The following PRDM13 variants were observed in gnomAD, a reference collection of about 807,000 sequenced individuals.
PRDM13 encodes PR/SET domain 13.
In PRDM13, 15 loss-of-function variants were observed where a neutral mutation model predicts 36.4. The ratio of observed to expected loss-of-function variants is 0.41; its 90% CI spans 0.28 to 0.64. The LOEUF (loss-of-function observed/expected upper bound fraction) is 0.64. Among genes scored for constraint, PRDM13 ranks in the 30% least tolerant of loss-of-function variants. The probability of loss-of-function intolerance (pLI) is 0.29; values close to 1 mark genes in which losing one functional copy is unlikely to be tolerated. For missense variants in PRDM13, 1,044 were observed against 1,013.5 expected, an observed-to-expected ratio of 1.03 and a Z score of -0.41; for synonymous variants, 531 against 467.7, an observed-to-expected ratio of 1.14 and a Z score of -1.75.
chr6:99,613,765 C>CGCT lies in PRDM13; in HGVS notation c.1132_1133insTGC (p.Pro377_Pro378insLeu). On this transcript the variant is annotated inframe_insertion, in exon 4 of 4. Transcript: ENST00000369215. The surrounding 1 kb of genome is among the most constrained non-coding windows in gnomAD (Gnocchi z 6.1). ...GCTGGGGACCCGCCGCCGCCGCCGC[C>CGCT]GCCTGGCCTGCCCTGCTCTGGGGCC... 6.7e-7 allele frequency: 1 copy of CGCT among 1,496,420 alleles called. No homozygotes were observed. Among genetic ancestry groups the CGCT allele is most frequent in the Non-Finnish European group, 8.8e-7 (1 of 1,130,120 alleles). The allele number at this position is 1,496,420 out of a possible 1,614,324, so 92.7% of individuals were successfully genotyped here.
Position 99,614,204 on chromosome 6 carries a change from C to A in PRDM13, c.1569C>A (p.Ala523=). ...GSLASIDREI[A]MHNQQLSEMA... is the part of the protein sequence containing the mutation. Reference sequence around the variant, plus strand: ...TGGCCAGCATCGACCGAGAGATCGCCATGCACAATCAGCAGCTGTCCGAGA... The same window carrying A: ...TGGCCAGCATCGACCGAGAGATCGCAATGCACAATCAGCAGCTGTCCGAGA... Residue 523 remains alanine (A), a synonymous_variant, in exon 4 of 4, where the codon GCC becomes GCA. Coordinates refer to ENST00000369215, the MANE Select transcript of PRDM13 (RefSeq NM_021620.4). 6.2e-7 allele frequency: 1 copy of A among 1,607,878 alleles called. No homozygotes were observed. The highest frequency in any genetic ancestry group is 1.3e-5 in the African/African-American group (1 of 75,002).
intron 3 of PRDM13, among the ~76,000 whole-genome samples, chr6:99,611,604 T>G (rs1161763184): frequency 6.6e-6 from 1 of 152,170 alleles, no homozygotes; most frequent in Non-Finnish European, 1.5e-5. Flanking sequence ...GCTTATCACT[T>G]GAGTTTTCAC....
chr6:99,614,138 G>C lies in PRDM13; in HGVS notation c.1503G>C (p.Gly501=), dbSNP rs1330480988. 1.3e-6 allele frequency: 2 copies of C among 1,598,696 alleles called. No individual in the cohort carries two copies. The highest frequency in any genetic ancestry group is 1.7e-6 in the Non-Finnish European group (2 of 1,174,726). Residue 501 remains glycine (G), a synonymous_variant, in exon 4 of 4, where the codon GGG becomes GGC. Transcript: ENST00000369215. ...CGGAGTCCATCTCCTACTTCAGCGG[G>C]CCTGCAGCGGCCGCCCTAAGCCCCG... The part of the protein sequence containing the change: ...KYPESISYFS[G]PAAAALSPAE...
In PRDM13 at chr6:99,613,659, G is replaced by C. The variant is rs575217517; in HGVS notation, c.1024G>C (p.Gly342Arg). ...GGRACGRPGS[G>R]ENSAAGGAGH... ...CCGGGCGTGCGGGCGCCCCGGGAGC[G>C]GGGAGAACTCGGCGGCGGGCGGCGC... The change falls in exon 4 of 4, where the codon GGG becomes CGG. Residue 342 changes from glycine to arginine, a missense_variant. Physicochemically the swap from Gly to Arg is moderately radical, Grantham distance 125. This residue lies in a region of PRDM13 where 921 missense variants were observed against 865.2 expected (regional missense o/e 1.06). Coordinates refer to ENST00000369215, the MANE Select transcript of PRDM13 (RefSeq NM_021620.4). This position sits in a 1 kb window ranked among gnomAD's most constrained non-coding sequence, Gnocchi z 6.1. The C allele has an allele frequency of 2.1e-6, 3 of 1,427,440 alleles. No homozygotes were observed. The highest frequency in any genetic ancestry group is 2.9e-5 in the East Asian group (1 of 34,328). 88.4% of individuals were successfully genotyped at this position (1,427,440 alleles called of 1,614,324 possible).
intron 3 of PRDM13, among the ~76,000 whole-genome samples, chr6:99,612,473 G>C (rs972141990): frequency 1.3e-5 from 2 of 152,190 alleles, no homozygotes; most frequent in Non-Finnish European, 2.9e-5. Flanking sequence ...AGGCTGGAAG[G>C]GGGTGGAATG....
chr6:99,609,091 C>A, intron 2 of PRDM13, 96 bp from the exon 3 acceptor site: 1 of 1,479,956 alleles, frequency 6.8e-7, no homozygotes. Flanking sequence ...CAGGGTCACA[C>A]AGCATCAGAA....
chr6:99,614,238 G>A lies in PRDM13; in HGVS notation c.1603G>A (p.Gly535Arg), dbSNP rs1770091064. 2 of 1,609,324 alleles carry A rather than the reference G, an allele frequency of 1.2e-6. No individual in the cohort carries two copies. Among genetic ancestry groups the A allele is most frequent in the Non-Finnish European group, 1.7e-6 (2 of 1,178,856 alleles). ...TCAGCAGCTGTCCGAGATGGCTGCCGGGAAGGGTCGCGGACGCCTGGACTC... is the reference window on the plus strand; with the variant it reads ...TCAGCAGCTGTCCGAGATGGCTGCCAGGAAGGGTCGCGGACGCCTGGACTC... ...HNQQLSEMAA[G>R]KGRGRLDSGT... Residue 535 changes from glycine to arginine, a missense_variant, in exon 4 of 4, where the codon GGG becomes AGG. Around this residue, in one of 3 missense-constraint regions of PRDM13, gnomAD observed 921 missense variants for 865.2 expected, o/e 1.06. Coordinates refer to ENST00000369215, the MANE Select transcript of PRDM13 (RefSeq NM_021620.4).
chr6:99,607,334 C>A, intron 1 of PRDM13, 156 bp downstream of exon 1: 1 of 1,135,976 alleles, frequency 8.8e-7, no homozygotes, highest in Non-Finnish European at 1.2e-6. Flanking sequence ...GAGCAAGTAG[C>A]CTCTTTAACT....
At chr6:99,607,316 A>G (rs1271257034) in intron 1 of PRDM13, 138 bp downstream of exon 1, 2 of 1,276,452 alleles carry the variant, frequency 1.6e-6, no homozygotes, top group Non-Finnish European at 2.1e-6. Context: ...GGGGACTCCT[A>G]TTATTCTGAG....
rs772618132 is a variant in PRDM13, at chr6:99,612,996, C to T, written c.398-37C>T. Reference sequence around the variant, plus strand: ...CTTTCTTTATGTCTCGCTTGTTCGCCTCTCACCGGGTCGCTTTTCCATTCT... The same window carrying T: ...CTTTCTTTATGTCTCGCTTGTTCGCTTCTCACCGGGTCGCTTTTCCATTCT... On this transcript the variant is annotated intron_variant, in intron 3 of 3. Transcript: ENST00000369215. 14 of 1,609,904 alleles carry T rather than the reference C, an allele frequency of 8.7e-6. No homozygotes were observed. In the Admixed American group the frequency reaches 2.4e-4, roughly 27 times the overall value.
intron 3 of PRDM13, among the ~76,000 whole-genome samples, chr6:99,611,066 C>G (rs1334455318): frequency 1.3e-5 from 2 of 152,014 alleles, no homozygotes; most frequent in African/African-American, 2.4e-5. Flanking sequence ...ATTTGATACT[C>G]TTGGCATGAT....
At position 99,613,205 on chromosome 6, in the gene PRDM13, C is replaced by T. The variant is rs1770057617; in HGVS notation, c.570C>T (p.Leu190=). 5 of 1,612,236 alleles carry T rather than the reference C, an allele frequency of 3.1e-6. No individual in the cohort carries two copies. The highest frequency in any genetic ancestry group is 4.2e-6 in the Non-Finnish European group (5 of 1,179,788). The change falls in exon 4 of 4, where the codon CTC becomes CTT. Residue 190 remains leucine, a synonymous_variant. Coordinates refer to ENST00000369215, the MANE Select transcript of PRDM13 (RefSeq NM_021620.4). The surrounding 1 kb of genome is among the most constrained non-coding windows in gnomAD (Gnocchi z 6.1). ...TCCCAGCGGCTGATGGCCTCGGTCT[C>T]TCCCCAAAACCCCCGGCGCCCGATT... The part of the protein sequence containing the change: ...GAVPAADGLG[L]SPKPPAPDFA...
chr6:99,613,788 G>C lies in PRDM13; in HGVS notation c.1153G>C (p.Ala385Pro). 1 of 1,507,598 alleles carries C rather than the reference G, an allele frequency of 6.6e-7. No homozygotes were observed. The highest frequency in any genetic ancestry group is 2.7e-5 in the East Asian group (1 of 37,146). 93.4% of individuals were successfully genotyped at this position (1,507,598 alleles called of 1,614,324 possible). Residue 385 changes from alanine to proline, a missense_variant, in exon 4 of 4, where the codon GCC becomes CCC. Transcript: ENST00000369215. This position sits in a 1 kb window ranked among gnomAD's most constrained non-coding sequence, Gnocchi z 6.1. ...PPPPGLPCSG[A>P]LRGFPLLSVP... Reference sequence around the variant, plus strand: ...GCCGCCTGGCCTGCCCTGCTCTGGGGCCCTGCGCGGCTTCCCTCTGCTCTC... The same window carrying C: ...GCCGCCTGGCCTGCCCTGCTCTGGGCCCCTGCGCGGCTTCCCTCTGCTCTC...
chr6:99,613,822 C>G lies in PRDM13; in HGVS notation c.1187C>G (p.Pro396Arg), dbSNP rs527649781. ...GGCTTCCCTCTGCTCTCCGTCCCCCCGGAAGAGGCGTCCGCCTTCAAGCAC... is the reference window on the plus strand; with the variant it reads ...GGCTTCCCTCTGCTCTCCGTCCCCCGGGAAGAGGCGTCCGCCTTCAAGCAC... ...LRGFPLLSVP[P>R]EEASAFKHVE... Residue 396 changes from proline (P) to arginine (R), a missense_variant, in exon 4 of 4, where the codon CCG becomes CGG. Pro to Arg is a moderately radical substitution (Grantham distance 103). Around this residue, in one of 3 missense-constraint regions of PRDM13, gnomAD observed 921 missense variants for 865.2 expected, o/e 1.06. Transcript: ENST00000369215. This position sits in a 1 kb window ranked among gnomAD's most constrained non-coding sequence, Gnocchi z 6.1. 5.0e-5 allele frequency: 76 copies of G among 1,511,136 alleles called. No individual in the cohort carries two copies. Among genetic ancestry groups the G allele is most frequent in the East Asian group, 3.7e-4 (14 of 37,482 alleles). 93.6% of individuals were successfully genotyped at this position (1,511,136 alleles called of 1,614,324 possible).
intron 1 of PRDM13, 92 bp from the exon 2 acceptor site, chr6:99,608,649 C>CCTGTG (rs1412229211): frequency 1.3e-6 from 2 of 1,493,000 alleles, no homozygotes; most frequent in Non-Finnish European, 8.9e-7. Context: ...CAACCACTTT[C>CCTGTG]CTGTGTTGGG....
At position 99,613,452 on chromosome 6, in the gene PRDM13, G is replaced by C; in HGVS notation, c.817G>C (p.Gly273Arg). Residue 273 changes from glycine (G) to arginine (R), a missense_variant, in exon 4 of 4, where the codon GGC (glycine) becomes CGC (arginine). Physicochemically the swap from Gly to Arg is moderately radical, Grantham distance 125. This residue lies in a region of PRDM13 where 921 missense variants were observed against 865.2 expected (regional missense o/e 1.06). Transcript: ENST00000369215. The surrounding 1 kb of genome is among the most constrained non-coding windows in gnomAD (Gnocchi z 6.1). ...CGCCCGAGGACAAGGGCACTTCCTC[G>C]GCATCGTGGGCGGCTCCTCGGCGGG... The part of the protein sequence containing the change: ...GAARGQGHFL[G>R]IVGGSSAGVG... The C allele has an allele frequency of 2.0e-6, 3 of 1,538,412 alleles. No individual in the cohort carries two copies. The highest frequency in any genetic ancestry group is 2.6e-6 in the Non-Finnish European group (3 of 1,151,114).
chr6:99,608,747 A>G lies in PRDM13; in HGVS notation c.151A>G (p.Met51Val). 1 of 1,607,384 alleles carries G rather than the reference A, an allele frequency of 6.2e-7. No individual in the cohort carries two copies. Among genetic ancestry groups the G allele is most frequent in the Non-Finnish European group, 8.5e-7 (1 of 1,177,036 alleles). ...ACCACTGCTTGTGTTGCAGGTGCGC[A>G]TGGTGAGAGGGGAGCTGGTGGACGA... ...REPGPKKKVR[M>V]VRGELVDESG... The change falls in exon 2 of 4, where the codon ATG (methionine) becomes GTG (valine). Residue 51 changes from methionine to valine, a missense_variant. Met to Val is a conservative substitution (Grantham distance 21). Around this residue, in one of 3 missense-constraint regions of PRDM13, gnomAD observed 921 missense variants for 865.2 expected, o/e 1.06. Coordinates refer to ENST00000369215, the MANE Select transcript of PRDM13 (RefSeq NM_021620.4).
chr6:99,613,946 G>A lies in PRDM13; in HGVS notation c.1311G>A (p.Pro437=), dbSNP rs768832684. 6 of 1,588,912 alleles carry A rather than the reference G, an allele frequency of 3.8e-6. No homozygotes were observed. In the Admixed American group the frequency reaches 8.8e-5, roughly 23 times the overall value. Residue 437 remains proline, a synonymous_variant, in exon 4 of 4, where the codon CCG becomes CCA. Coordinates refer to ENST00000369215, the MANE Select transcript of PRDM13 (RefSeq NM_021620.4). This position sits in a 1 kb window ranked among gnomAD's most constrained non-coding sequence, Gnocchi z 6.1. ...PGLPLERCAL[P]PLDPGGLKAY... ...TGCCCCTCGAGCGCTGCGCGCTGCC[G>A]CCCCTCGACCCGGGCGGTCTCAAAG...
intron 3 of PRDM13, among the ~76,000 whole-genome samples, chr6:99,610,571 C>T (rs1052085079): frequency 5.3e-5 from 8 of 152,296 alleles, no homozygotes; most frequent in African/African-American, 1.9e-4. Flanking sequence ...TTATTCAAAA[C>T]AATGAATCAC....
Sources: allele counts gnomAD v4.1 joint callset (sites outside exome capture counted in the v4.1 genomes callset), GRCh38; gene constraint gnomAD v4.1.1; regional missense constraint gnomAD v4.1.1; non-coding constraint Gnocchi (gnomAD v3.1); transcripts MANE v1.5; gene names NCBI Gene and HGNC (gene_info 2026-07-23, HGNC 2026-07-21).